PI4KA: variants seen among roughly 807,000 people sequenced by gnomAD.
PI4KA encodes the protein PI4-kinase alpha.
A neutral mutation model predicts 271.4 loss-of-function variants in PI4KA; 122 were observed. That is an observed-to-expected ratio of 0.45 (90% CI 0.39 to 0.52). The LOEUF (loss-of-function observed/expected upper bound fraction) is 0.52, where lower values mean the gene tolerates loss of function less well. Ranked by LOEUF, PI4KA falls within the 20% of genes least tolerant of loss-of-function variation. The pLI is 0.00. For missense variants in PI4KA, 1,969 were observed against 2,769.1 expected (o/e 0.71, Z 6.48); for synonymous variants, 1,041 against 1,078.8 (o/e 0.96, Z 0.69).
intron 13 of PI4KA, 138 bp from the exon 14 acceptor site, chr22:20,802,243 T>C (rs972085015): frequency 1.5e-6 from 1 of 658,826 alleles, no homozygotes; most frequent in African/African-American, 1.8e-5. Context: ...TGACCAAATA[T>C]TTCAGAAAGA....
At chr22:20,824,754 AC>A in intron 3 of PI4KA, among the ~76,000 whole-genome samples, 1 of 151,362 alleles carries the variant, frequency 6.6e-6, no homozygotes, top group Non-Finnish European at 1.5e-5. Context: ...ACACACACAC[AC>A]ACACACACAC....
rs757747460 is a variant in PI4KA, at chr22:20,783,940, C to T, written c.2328+9253G>A. On this transcript the variant is annotated intron_variant, in intron 19 of 54. Transcript: ENST00000255882. ...GAGACGATTTCCCTAAAGGAACCTT[C>T]TCATAACAGCCTCTTCCTGTGGCCT... is the stretch of plus-strand genomic sequence containing the variant. 6.2e-6 allele frequency: 10 copies of T among 1,614,010 alleles called. No homozygotes were observed. In the African/African-American group the frequency reaches 1.2e-4, roughly 19 times the overall value.
chr22:20,796,215 C>T lies in PI4KA; in HGVS notation c.2208G>A (p.Leu736=). ...TCCCCTCCAGCCCCAGCTGCACAAA[C>T]AACTCCAACAGGTTCATGAGCAGCT... ...VDELLMNLLE[L]FVQLGLEGKR... The change falls in exon 18 of 55, where the codon TTG becomes TTA. Residue 736 remains leucine (L), a synonymous_variant. Coordinates refer to ENST00000255882, the MANE Select transcript of PI4KA (RefSeq NM_058004.4). 6.2e-7 allele frequency: 1 copy of T among 1,614,148 alleles called. No individual in the cohort carries two copies.
At chr22:20,794,569 C>T (rs889439983) in intron 18 of PI4KA, among the ~76,000 whole-genome samples, 1 of 152,182 alleles carries the variant, frequency 6.6e-6, no homozygotes, top group East Asian at 1.9e-4. Flanking sequence ...AGGATCCCTG[C>T]TTGCATCGGC....
chr22:20,729,774 A>G, intron 37 of PI4KA, 63 bp from the exon 38 acceptor site: 1 of 1,577,226 alleles, frequency 6.3e-7, no homozygotes, highest in Non-Finnish European at 8.7e-7. Flanking sequence ...CTGAGATTCT[A>G]AACCTAGAGG....
At position 20,721,436 on chromosome 22, in the gene PI4KA, C is replaced by T; in HGVS notation, c.4996-18G>A. On this transcript the variant is annotated intron_variant, in intron 42 of 54. Coordinates refer to ENST00000255882, the MANE Select transcript of PI4KA (RefSeq NM_058004.4). ...TAGCCCATCTGCAGGAGAGCAAGGT[C>T]CCTGTCAGCCAGGCTCGGCCCTCTC... 1.9e-6 allele frequency: 3 copies of T among 1,612,350 alleles called. No individual in the cohort carries two copies. Among genetic ancestry groups the T allele is most frequent in the Non-Finnish European group, 2.5e-6 (3 of 1,179,180 alleles).
At position 20,801,949 on chromosome 22, in the gene PI4KA, C is replaced by T. The variant is rs564995102; in HGVS notation, c.1724+24G>A. The T allele has an allele frequency of 4.3e-6, 7 of 1,613,060 alleles. No individual in the cohort carries two copies. The South Asian group carries it at 7.7e-5, about 18-fold the overall frequency. On this transcript the variant is annotated intron_variant, in intron 14 of 54. Coordinates refer to ENST00000255882, the MANE Select transcript of PI4KA (RefSeq NM_058004.4). Reference sequence around the variant, plus strand: ...CGCTTGTCTGGAGCACTGCTGTCTACTCGCCACTTGCCCAGCTTCCCACCT... The same window carrying T: ...CGCTTGTCTGGAGCACTGCTGTCTATTCGCCACTTGCCCAGCTTCCCACCT...
intron 26 of PI4KA, 137 bp downstream of exon 26, chr22:20,751,537 C>T: frequency 3.2e-6 from 3 of 949,008 alleles, no homozygotes; most frequent in Non-Finnish European, 5.0e-6. Flanking sequence ...CCCCTCACCC[C>T]CAACTCGACA....
At chr22:20,830,889 A>G (rs910751887) in intron 3 of PI4KA, among the ~76,000 whole-genome samples, 2 of 152,242 alleles carry the variant, frequency 1.3e-5, no homozygotes, top group Non-Finnish European at 2.9e-5. Flanking sequence ...CTCCTGCCTC[A>G]GCCTCCTGAG....
chr22:20,747,574 C>T lies in PI4KA; in HGVS notation c.3363+9G>A, dbSNP rs757054831. 34 of 1,613,580 alleles carry T rather than the reference C, an allele frequency of 2.1e-5. No homozygotes were observed. The highest frequency in any genetic ancestry group is 6.7e-5 in the Admixed American group (4 of 59,970). On this transcript the variant is annotated intron_variant, in intron 29 of 54. Transcript: ENST00000255882. ...AGGGGTCACTGCTCTTCAGAAGGCTCGCACATACCCCAAGAGTTGTGTTCT... is the reference window on the plus strand; with the variant it reads ...AGGGGTCACTGCTCTTCAGAAGGCTTGCACATACCCCAAGAGTTGTGTTCT...
intron 19 of PI4KA, among the ~76,000 whole-genome samples, chr22:20,786,574 T>A (rs1166231254): frequency 6.6e-6 from 1 of 152,138 alleles, no homozygotes; most frequent in African/African-American, 2.4e-5. Context: ...CAGTTCCCCA[T>A]CCCGGAGAAG....
At chr22:20,725,869 G>A (rs1205245185) in intron 42 of PI4KA, 2 of 187,844 alleles carry the variant, frequency 1.1e-5, no homozygotes, top group Non-Finnish European at 2.3e-5. Context: ...CTGAGATCAC[G>A]CCACTGCACT....
At chr22:20,736,226 C>T (rs1332981379) in intron 32 of PI4KA, among the ~76,000 whole-genome samples, 6 of 151,904 alleles carry the variant, frequency 3.9e-5, no homozygotes, top group South Asian at 4.2e-4. Flanking sequence ...ATGCATGACG[C>T]GGCCTATGGT....
intron 19 of PI4KA, among the ~76,000 whole-genome samples, chr22:20,774,332 T>C (rs894822384): frequency 6.6e-5 from 10 of 152,232 alleles, no homozygotes; most frequent in African/African-American, 2.2e-4. Flanking sequence ...TTGGGAGAGT[T>C]GACAAACTTA....
Position 20,858,642 on chromosome 22 carries a change from C to T in PI4KA, c.84G>A (p.Arg28=), listed in dbSNP as rs1386967077. The T allele has an allele frequency of 2.7e-6, 4 of 1,485,838 alleles. No homozygotes were observed. Among genetic ancestry groups the T allele is most frequent in the Non-Finnish European group, 3.6e-6 (4 of 1,124,656 alleles). The allele number at this position is 1,485,838 out of a possible 1,614,324, so 92.0% of individuals were successfully genotyped here. The change falls in exon 1 of 55, where the codon CGG becomes CGA. Residue 28 remains arginine (R), a synonymous_variant. Transcript: ENST00000255882. ...ACAGGACCGTGTTGAAATAGAAGCC[C>T]CGCGAGGCGCTGGAGCCGGAGCCGG... The part of the protein sequence containing the change: ...GCSGSGSSAS[R]GFYFNTVLSL...
intron 1 of PI4KA, among the ~76,000 whole-genome samples, chr22:20,839,565 C>T (rs756048022): frequency 3.0e-4 from 46 of 152,226 alleles, no homozygotes; most frequent in Admixed American, 7.2e-4. Flanking sequence ...GGAGCGGTGG[C>T]TCACGCCTGT....
intron 1 of PI4KA, among the ~76,000 whole-genome samples, chr22:20,841,759 T>C (rs1925581549): frequency 6.6e-6 from 1 of 152,098 alleles, no homozygotes; most frequent in South Asian, 2.1e-4. Flanking sequence ...ATTATTTAGA[T>C]AGGCCCAGGG....
chr22:20,718,777 C>T lies in PI4KA; in HGVS notation c.5162G>A (p.Gly1721Asp), dbSNP rs150991785. Residue 1721 changes from glycine (G) to aspartate (D), a missense_variant, in exon 44 of 55, where the codon GGC (glycine) becomes GAC (aspartate). Coordinates refer to ENST00000255882, the MANE Select transcript of PI4KA (RefSeq NM_058004.4). Reference protein sequence around the residue: ...LLDQLVEEITGSLSGPAKDFY... With the variant: ...LLDQLVEEITDSLSGPAKDFY... ...GTCCTTCGCTGGGCCGGACAAGGAG[C>T]CTGTGATCTCCTCTACCAACTGATC... 1.2e-4 allele frequency: 186 copies of T among 1,613,742 alleles called. No homozygotes were observed. The highest frequency in any genetic ancestry group is 1.5e-4 in the Non-Finnish European group (178 of 1,179,810).
intron 45 of PI4KA, among the ~76,000 whole-genome samples, chr22:20,714,995 G>A (rs1231170656): frequency 6.6e-6 from 1 of 152,068 alleles, no homozygotes; most frequent in Non-Finnish European, 1.5e-5. Flanking sequence ...CAGCCCTACT[G>A]CTTCTGGGGG....
Sources: gnomAD v4.1 joint callset for allele counts (sites outside exome capture counted in the v4.1 genomes callset) on GRCh38, gnomAD v4.1.1 for gene constraint, MANE v1.5 for transcripts, NCBI Gene and HGNC (gene_info 2026-07-23, HGNC 2026-07-21) for gene names.